ASAP1: variants seen among roughly 807,000 people sequenced by gnomAD.
The protein encoded by ASAP1 is ArfGAP with SH3 domain, ankyrin repeat and PH domain 1.
In ASAP1, 43 loss-of-function variants were observed where a neutral mutation model predicts 145.2. The ratio of observed to expected loss-of-function variants is 0.30; its 90% CI spans 0.23 to 0.38. The LOEUF (loss-of-function observed/expected upper bound fraction) is 0.38. ASAP1 is among the 10% of genes least tolerant of loss of function. ASAP1 has a pLI of 1.00. For missense variants in ASAP1, 1,018 were observed against 1,355.3 expected (o/e 0.75, Z 3.91); for synonymous variants, 546 against 515.5 (o/e 1.06, Z -0.80).
intron 3 of ASAP1, among the ~76,000 whole-genome samples, chr8:130,334,187 G>A (rs1041229836): frequency 3.3e-5 from 5 of 152,100 alleles, no homozygotes; most frequent in African/African-American, 1.2e-4. Context: ...AAGGAGAGTG[G>A]ACATTATCCT....
intron 1 of ASAP1, among the ~76,000 whole-genome samples, chr8:130,414,840 T>C (rs996202849): frequency 1.3e-5 from 2 of 151,842 alleles, no homozygotes; most frequent in African/African-American, 4.8e-5. Flanking sequence ...CCACTGCAAC[T>C]TCACCTCCCG....
intron 16 of ASAP1, 68 bp downstream of exon 16, chr8:130,127,859 G>A: frequency 6.5e-7 from 1 of 1,550,152 alleles, no homozygotes; most frequent in Non-Finnish European, 8.7e-7. Context: ...TCAATAACTA[G>A]ATCGTTTTAT....
chr8:130,406,972 G>A (rs767376675), intron 1 of ASAP1, among the ~76,000 whole-genome samples: 5 of 152,062 alleles, frequency 3.3e-5, no homozygotes, highest in Non-Finnish European at 5.9e-5. Context: ...TTTTCCCAGC[G>A]CAACAATCTG....
intron 3 of ASAP1, among the ~76,000 whole-genome samples, chr8:130,307,721 A>G (rs1823080857): frequency 6.6e-6 from 1 of 152,168 alleles, no homozygotes; most frequent in Non-Finnish European, 1.5e-5. Context: ...CCATTTCCCA[A>G]TTCCCACGCT....
At chr8:130,302,175 AC>A (rs1320568785) in intron 3 of ASAP1, among the ~76,000 whole-genome samples, 1 of 152,246 alleles carries the variant, frequency 6.6e-6, no homozygotes, top group Non-Finnish European at 1.5e-5. Flanking sequence ...TATTTGAAAA[AC>A]CATGTACAAC....
chr8:130,241,997 A>G (rs961477866), intron 3 of ASAP1, among the ~76,000 whole-genome samples: 11 of 152,114 alleles, frequency 7.2e-5, no homozygotes, highest in Non-Finnish European at 1.6e-4. Context: ...AGGAAATAGT[A>G]CATAACAATA....
At chr8:130,145,161 A>G (rs1390889422) in intron 13 of ASAP1, among the ~76,000 whole-genome samples, 1 of 152,226 alleles carries the variant, frequency 6.6e-6, no homozygotes, top group Non-Finnish European at 1.5e-5. Context: ...AGTTTGGGCC[A>G]ATACAGGAAG....
At chr8:130,116,850 C>T in intron 21 of ASAP1, 30 bp downstream of exon 21, 1 of 1,585,672 alleles carries the variant, frequency 6.3e-7, no homozygotes, top group Non-Finnish European at 8.7e-7. Flanking sequence ...ACGCTTACTA[C>T]AGTCATGAAG....
rs186582805 is a variant in ASAP1 at position 130,230,740 on chromosome 8, A to T, written c.259+6182T>A. Among the ~76,000 whole-genome samples, 317 of 152,278 alleles carry T rather than the reference A, an allele frequency of 2.1e-3. 1 individual carries two copies. Among genetic ancestry groups the T allele is most frequent in the African/African-American group, 6.9e-3 (287 of 41,552 alleles). On this transcript the variant is annotated intron_variant, in intron 4 of 29. Coordinates refer to ENST00000518721, the MANE Select transcript of ASAP1 (RefSeq NM_018482.4). ...TTACTGTAATTCAAAAAGATTTTTT[A>T]AAAAATCTGGCTATCCACAAACTTG...
At chr8:130,416,751 G>A (rs1169790477) in intron 1 of ASAP1, among the ~76,000 whole-genome samples, 1 of 152,214 alleles carries the variant, frequency 6.6e-6, no homozygotes, top group Admixed American at 6.5e-5. Context: ...CTAATGGAAA[G>A]TCCACTGGCT....
intron 1 of ASAP1, among the ~76,000 whole-genome samples, chr8:130,421,374 A>G (rs1829711918): frequency 6.6e-6 from 1 of 152,142 alleles, no homozygotes; most frequent in African/African-American, 2.4e-5. Flanking sequence ...AGCCCCATTC[A>G]CCATCTGTGG....
chr8:130,114,242 T>C (rs190236096), intron 23 of ASAP1, among the ~76,000 whole-genome samples: 79 of 152,298 alleles, frequency 5.2e-4, no homozygotes, highest in African/African-American at 1.9e-3. Flanking sequence ...TACACAAACC[T>C]AGATGGGAGA....
chr8:130,059,558 C>T (rs1021496948), intron 28 of ASAP1, among the ~76,000 whole-genome samples: 2 of 152,054 alleles, frequency 1.3e-5, no homozygotes, highest in African/African-American at 2.4e-5. Context: ...TGGCCTCAAG[C>T]GATCCACTCG....
chr8:130,191,095 CTTGATT>C (rs1586559636), intron 5 of ASAP1, among the ~76,000 whole-genome samples: 1 of 150,478 alleles, frequency 6.6e-6, no homozygotes, highest in East Asian at 1.9e-4. Flanking sequence ...CCTGAGTCTC[CTTGATT>C]TTAAGATGGC....
intron 12 of ASAP1, among the ~76,000 whole-genome samples, chr8:130,154,023 A>C (rs149535908): frequency 1.3e-5 from 2 of 152,182 alleles, no homozygotes; most frequent in Non-Finnish European, 2.9e-5. Context: ...GGGAAATCCC[A>C]TATCTACAAA....
Position 130,161,181 on chromosome 8 carries a change from A to G in ASAP1, c.910-1217T>C, listed in dbSNP as rs149273998. On this transcript the variant is annotated intron_variant, in intron 11 of 29. Coordinates refer to ENST00000518721, the MANE Select transcript of ASAP1 (RefSeq NM_018482.4). Reference sequence around the variant, plus strand: ...TTCAGAAAATCTAGGAATAGCCACAAATTGTAGCAGGACTTTTTTTTTTTA... The same window carrying G: ...TTCAGAAAATCTAGGAATAGCCACAGATTGTAGCAGGACTTTTTTTTTTTA... Among the ~76,000 whole-genome samples the G allele has an allele frequency of 4.3e-3, 655 of 152,342 alleles. 9 individuals carry two copies. The highest frequency in any genetic ancestry group is 0.015 in the African/African-American group (623 of 41,566).
chr8:130,431,495 G>A (rs560536818), intron 1 of ASAP1, among the ~76,000 whole-genome samples: 1 of 152,110 alleles, frequency 6.6e-6, no homozygotes, highest in East Asian at 1.9e-4. Context: ...CATCCTTGCT[G>A]AGGCTCCCTA....
At chr8:130,125,931 T>C in intron 17 of ASAP1, 25 bp downstream of exon 17, 1 of 1,582,560 alleles carries the variant, frequency 6.3e-7, no homozygotes, top group Non-Finnish European at 8.5e-7. Context: ...AATATCATTC[T>C]TCCCAAGTAC....
In ASAP1 at chr8:130,361,623, C is replaced by G. The variant is rs576442707; in HGVS notation, c.60-3480G>C. On this transcript the variant is annotated intron_variant, in intron 2 of 29. Transcript: ENST00000518721. Reference sequence around the variant, plus strand: ...GTGCTTTGGTAAGTATATACCTCCTCAGACTGGTCTGCAATTACAATTTCA... The same window carrying G: ...GTGCTTTGGTAAGTATATACCTCCTGAGACTGGTCTGCAATTACAATTTCA... 12 of 1,365,156 alleles carry G rather than the reference C, an allele frequency of 8.8e-6. No homozygotes were observed. The Middle Eastern group carries it at 5.3e-4, about 60-fold the overall frequency. The allele number at this position is 1,365,156 out of a possible 1,614,324, so 84.6% of individuals were successfully genotyped here. A position where few individuals can be genotyped will look rare whatever the true frequency, so the allele number is the denominator to read the frequency against.
Sources: allele counts gnomAD v4.1 joint callset (sites outside exome capture counted in the v4.1 genomes callset), GRCh38; gene constraint gnomAD v4.1.1; transcripts MANE v1.5; gene names NCBI Gene and HGNC (gene_info 2026-07-23, HGNC 2026-07-21).